Variants in RABGAP1 observed in about 807,000 individuals in gnomAD.
The protein encoded by RABGAP1 is RAB GTPase activating protein 1.
RABGAP1 carries 23 observed loss-of-function variants against 137.6 expected under a neutral mutation model. The observed-to-expected ratio is 0.17, with a 90% CI of 0.12 to 0.24. The LOEUF (loss-of-function observed/expected upper bound fraction) is 0.24. Among genes scored for constraint, RABGAP1 ranks in the 10% least tolerant of loss-of-function variants. The pLI, the probability that RABGAP1 is intolerant of heterozygous loss-of-function variation, is 1.00. For synonymous variants in RABGAP1, 451 were observed against 450.7 expected (o/e 1.00, Z -0.01); for missense variants, 906 against 1,275.8 (o/e 0.71, Z 4.42).
chr9:122,994,607 G>A (rs1480400272), intron 6 of RABGAP1, among the ~76,000 whole-genome samples: 1 of 152,144 alleles, frequency 6.6e-6, no homozygotes, highest in Non-Finnish European at 1.5e-5. Flanking sequence ...TATTTCTTTA[G>A]GGCTACCTTT....
chr9:122,987,033 A>G (rs2131758677), intron 4 of RABGAP1, among the ~76,000 whole-genome samples: 1 of 152,292 alleles, frequency 6.6e-6, no homozygotes, highest in Admixed American at 6.5e-5. Flanking sequence ...GCTACTCAGG[A>G]GGCTGAAATG....
chr9:123,098,667 C>CT lies in RABGAP1; in HGVS notation c.2734-45dup, dbSNP rs780841127. 7 of 1,558,410 alleles carry CT rather than the reference C, an allele frequency of 4.5e-6. No homozygotes were observed. The East Asian group carries it at 1.4e-4, about 30-fold the overall frequency. On this transcript the variant is annotated intron_variant, in intron 22 of 25. Transcript: ENST00000373647. ...ACTAAGCGGTTGGTGGCAGAACTTC[C>CT]TTTATTTTTCTGTTAACATAGTCCC...
At chr9:122,978,437 T>A (rs145418587) in intron 2 of RABGAP1, among the ~76,000 whole-genome samples, 132 of 152,276 alleles carry the variant, frequency 8.7e-4, no homozygotes, top group African/African-American at 3.0e-3. Context: ...GAATAAACAT[T>A]TGGGTTGTAT....
chr9:123,060,151 G>A (rs1456679698), intron 13 of RABGAP1, among the ~76,000 whole-genome samples: 10 of 152,218 alleles, frequency 6.6e-5, no homozygotes, highest in African/African-American at 2.4e-4. Flanking sequence ...TGTGAGTGTA[G>A]TATAATTTAC....
At chr9:123,090,476 C>G in intron 21 of RABGAP1, 91 bp downstream of exon 21, 1 of 1,051,330 alleles carries the variant, frequency 9.5e-7, no homozygotes, top group Non-Finnish European at 1.4e-6. Flanking sequence ...GATTGTTATT[C>G]TAGCCACCTG....
chr9:123,072,211 A>C (rs1434453204), intron 15 of RABGAP1, among the ~76,000 whole-genome samples: 1 of 152,162 alleles, frequency 6.6e-6, no homozygotes, highest in Non-Finnish European at 1.5e-5. Context: ...AAAAAGTTTC[A>C]GATTTTGGAG....
At chr9:123,088,654 C>T (rs2034943526) in intron 19 of RABGAP1, among the ~76,000 whole-genome samples, 1 of 152,060 alleles carries the variant, frequency 6.6e-6, no homozygotes, top group Admixed American at 6.5e-5. Context: ...CACTACTGCA[C>T]TCCAGCTTGG....
intron 1 of RABGAP1, among the ~76,000 whole-genome samples, chr9:122,942,695 A>AAACAC (rs1564345440): frequency 1.3e-5 from 2 of 149,440 alleles, no homozygotes; most frequent in African/African-American, 4.9e-5. Flanking sequence ...AAAACACAAA[A>AAACAC]AAACAAAATA....
At chr9:123,035,158 A>C in intron 13 of RABGAP1, 1 of 1,613,890 alleles carries the variant, frequency 6.2e-7, no homozygotes, top group Non-Finnish European at 8.5e-7. Flanking sequence ...CATCGTGATG[A>C]TGTTATATGC....
At chr9:123,015,439 A>G in intron 11 of RABGAP1, 104 bp from the exon 12 acceptor site, 1 of 642,266 alleles carries the variant, frequency 1.6e-6, no homozygotes, top group South Asian at 2.3e-5. Context: ...TTATGACTTT[A>G]TGCTCCCAGT....
At chr9:122,992,683 G>T (rs1276932964) in intron 6 of RABGAP1, among the ~76,000 whole-genome samples, 1 of 147,266 alleles carries the variant, frequency 6.8e-6, no homozygotes, top group African/African-American at 2.5e-5. Context: ...AAATATATTA[G>T]GTTAATATAT....
intron 13 of RABGAP1, chr9:123,034,291 C>A (rs1486862027): frequency 1.9e-5 from 9 of 475,114 alleles, no homozygotes; most frequent in Non-Finnish European, 3.3e-5. Flanking sequence ...TTACCTTGCT[C>A]CCCTGGTGCT....
At chr9:122,980,048 G>A (rs1444466179) in intron 2 of RABGAP1, among the ~76,000 whole-genome samples, 2 of 152,092 alleles carry the variant, frequency 1.3e-5, no homozygotes, top group African/African-American at 2.4e-5. Flanking sequence ...GGCCTAATCT[G>A]GTCTGCCACC....
rs190962946 is a variant in RABGAP1 at position 123,081,662 on chromosome 9, C to T, written c.2424+4900C>T. On this transcript the variant is annotated intron_variant, in intron 19 of 25. Coordinates refer to ENST00000373647, the MANE Select transcript of RABGAP1 (RefSeq NM_012197.4). ...CTCTTTGTGTTGCCCAGGCTGGTCT[C>T]GAACTCCTGGACTCAAGTGATCAAC... 6.6e-5 allele frequency among the ~76,000 whole-genome samples: 10 copies of T among 152,064 alleles called. No homozygotes were observed. The East Asian group carries it at 1.3e-3, about 21-fold the overall frequency.
intron 2 of RABGAP1, among the ~76,000 whole-genome samples, chr9:122,981,880 C>A (rs7849785): frequency 0.11 from 16,562 of 152,156 alleles, 2,909 homozygotes; most frequent in African/African-American, 0.37. Flanking sequence ...AAAACGCCGT[C>A]TCTACTAAAA....
At chr9:123,036,937 A>G (rs2032695011) in intron 13 of RABGAP1, among the ~76,000 whole-genome samples, 1 of 152,026 alleles carries the variant, frequency 6.6e-6, no homozygotes, top group African/African-American at 2.4e-5. Flanking sequence ...CTTAAAAGTG[A>G]TTATCTTTAG....
chr9:122,972,821 G>A (rs553148148), intron 2 of RABGAP1, among the ~76,000 whole-genome samples: 1 of 152,092 alleles, frequency 6.6e-6, no homozygotes, highest in South Asian at 2.1e-4. Context: ...AAAGTATTAT[G>A]TGATGGTGTG....
rs771667342 is a variant in RABGAP1, at chr9:123,019,912, G to A, written c.1644-397G>A. Among the ~76,000 whole-genome samples, 43 of 152,176 alleles carry A rather than the reference G, an allele frequency of 2.8e-4. 1 individual carries two copies. The highest frequency in any genetic ancestry group is 2.9e-5 in the Non-Finnish European group (2 of 67,996). The stretch of plus-strand genomic sequence containing the variant: ...GCGCCCAGGCTGCTCTTGAACTCCT[G>A]ACCTCAGGTGATATACCCACCTCGG... On this transcript the variant is annotated intron_variant, in intron 12 of 25. Coordinates refer to ENST00000373647, the MANE Select transcript of RABGAP1 (RefSeq NM_012197.4).
intron 13 of RABGAP1, among the ~76,000 whole-genome samples, chr9:123,064,123 C>T (rs2034087533): frequency 2.6e-5 from 4 of 152,194 alleles, no homozygotes; most frequent in Admixed American, 6.5e-5. Flanking sequence ...ACTTTCTCAA[C>T]TTTTGAAGAT....
Sources: allele counts gnomAD v4.1 joint callset (sites outside exome capture counted in the v4.1 genomes callset), GRCh38; gene constraint gnomAD v4.1.1; transcripts MANE v1.5; gene names NCBI Gene and HGNC (gene_info 2026-07-23, HGNC 2026-07-21).